RBFOX1: variants seen among roughly 807,000 people sequenced by gnomAD.
RBFOX1 encodes the protein RNA binding fox-1 homolog 1.
Under a neutral mutation model 57.7 loss-of-function variants are expected in RBFOX1, and 8 were observed. The ratio of observed to expected loss-of-function variants is 0.14; its 90% confidence interval spans 0.08 to 0.25. The LOEUF is 0.25. Among genes scored for constraint, RBFOX1 ranks in the 10% least tolerant of loss-of-function variants. The probability of loss-of-function intolerance (pLI) is 1.00; values close to 1 mark genes in which losing one functional copy is unlikely to be tolerated. For synonymous variants in RBFOX1, 326 were observed against 222.4 expected, an observed-to-expected ratio of 1.47 and a Z score of -4.15; for missense variants, 611 against 548.5, an observed-to-expected ratio of 1.11 and a Z score of -1.14.
chr16:5,483,646 G>A (rs979806110), intron 2 of RBFOX1, among the ~76,000 whole-genome samples: 3 of 152,260 alleles, frequency 2.0e-5, no homozygotes, highest in African/African-American at 4.8e-5. Context: ...TGCTGTAGAC[G>A]GGATTGCAGC....
chr16:7,113,978 A>G (rs949742077), intron 4 of RBFOX1, among the ~76,000 whole-genome samples: 2 of 152,180 alleles, frequency 1.3e-5, no homozygotes, highest in African/African-American at 4.8e-5. Flanking sequence ...TGCCTTTTGC[A>G]TCGTGAGTGC....
At chr16:5,623,521 C>A (rs1047228377) in intron 3 of RBFOX1, among the ~76,000 whole-genome samples, 2 of 152,148 alleles carry the variant, frequency 1.3e-5, no homozygotes, top group African/African-American at 4.8e-5. Flanking sequence ...TGCATCTTTA[C>A]CTACACCCTA....
At chr16:7,405,297 G>GC (rs930859373) in intron 4 of RBFOX1, among the ~76,000 whole-genome samples, 19 of 152,164 alleles carry the variant, frequency 1.2e-4, no homozygotes, top group South Asian at 2.1e-4. Flanking sequence ...TCTCCTGGTA[G>GC]CCCCCCCGCT....
intron 4 of RBFOX1, among the ~76,000 whole-genome samples, chr16:7,282,688 G>A (rs1406896955): frequency 1.3e-5 from 2 of 152,102 alleles, no homozygotes; most frequent in African/African-American, 4.8e-5. Context: ...CACCTGAGCA[G>A]TATACACTGC....
At position 7,002,320 on chromosome 16, in the gene RBFOX1, G is replaced by A. The variant is rs191713637; in HGVS notation, c.-15-49737G>A. 2.2e-3 allele frequency among the ~76,000 whole-genome samples: 341 copies of A among 152,318 alleles called. 2 individuals carry two copies. The highest frequency in any genetic ancestry group is 7.8e-3 in the African/African-American group (326 of 41,572). ...AGTGCATTTTCTTGTATCCTCTAAA[G>A]CTATTTTGTGTTTGTGTGAGCACAT... On this transcript the variant is annotated intron_variant, in intron 3 of 15. Coordinates refer to ENST00000550418, the MANE Select transcript of RBFOX1 (RefSeq NM_018723.4).
chr16:6,976,733 ATCATACATATATATCATG>A (rs1459081031), intron 3 of RBFOX1, among the ~76,000 whole-genome samples: 8 of 147,714 alleles, frequency 5.4e-5, no homozygotes, highest in African/African-American at 1.7e-4. Context: ...TATATCATGT[ATCATACATATATATCATG>A]TCATACATAT....
At chr16:5,813,478 A>G (rs2055509424) in intron 3 of RBFOX1, among the ~76,000 whole-genome samples, 1 of 152,196 alleles carries the variant, frequency 6.6e-6, no homozygotes, top group African/African-American at 2.4e-5. Flanking sequence ...ATTCAGCCAT[A>G]AAGGGAATGA....
At chr16:6,448,147 C>CTTTTTTTTTTTTTTTTTT in intron 2 of RBFOX1, among the ~76,000 whole-genome samples, 1 of 91,404 alleles carries the variant, frequency 1.1e-5, no homozygotes, top group Non-Finnish European at 2.2e-5. Flanking sequence ...TTTTTCTTTT[C>CTTTTTTTTTTTTTTTTTT]TTTTCTTTCT....
intron 1 of RBFOX1, among the ~76,000 whole-genome samples, chr16:6,274,632 A>G (rs2075592833): frequency 6.6e-6 from 1 of 152,180 alleles, no homozygotes; most frequent in African/African-American, 2.4e-5. Flanking sequence ...TAGCGCTATC[A>G]TCACGCAATC....
chr16:6,430,859 A>C (rs987571111), intron 2 of RBFOX1, among the ~76,000 whole-genome samples: 4 of 151,498 alleles, frequency 2.6e-5, no homozygotes, highest in Non-Finnish European at 5.9e-5. Flanking sequence ...GGTCAGGAAC[A>C]GTAGCTCATG....
At chr16:6,006,180 C>A (rs890806272) in intron 4 of RBFOX1, among the ~76,000 whole-genome samples, 3 of 152,162 alleles carry the variant, frequency 2.0e-5, no homozygotes, top group African/African-American at 7.2e-5. Flanking sequence ...ACCCGGTTTC[C>A]TACGGGGAAA....
intron 2 of RBFOX1, among the ~76,000 whole-genome samples, chr16:5,474,609 G>A (rs1436039355): frequency 6.6e-6 from 1 of 151,766 alleles, no homozygotes. Context: ...AGCTGAGATC[G>A]CGCCATTGCA....
At chr16:7,370,136 A>C (rs541633716) in intron 4 of RBFOX1, among the ~76,000 whole-genome samples, 1 of 152,314 alleles carries the variant, frequency 6.6e-6, no homozygotes, top group South Asian at 2.1e-4. Flanking sequence ...AATTGGCAGC[A>C]ACTCTGGACT....
At position 5,411,149 on chromosome 16, in the gene RBFOX1, G is replaced by C. The variant is rs140539156; in HGVS notation, c.220-56067G>C. Among the ~76,000 whole-genome samples the C allele has an allele frequency of 1.3e-3, 195 of 152,290 alleles. 2 individuals are homozygous for C. Among genetic ancestry groups the C allele is most frequent in the Admixed American group, 9.6e-3 (147 of 15,304 alleles). ...GGGCGGAGGCCAGAGGGCAGACTGTGGTGGGAAGAAAAAAGGACCTCAAAG... is the reference window on the plus strand; with the variant it reads ...GGGCGGAGGCCAGAGGGCAGACTGTCGTGGGAAGAAAAAAGGACCTCAAAG... On this transcript the variant is annotated intron_variant, in intron 1 of 2. Transcript: ENST00000585867.
At chr16:5,391,573 G>C (rs2066408229) in intron 1 of RBFOX1, among the ~76,000 whole-genome samples, 1 of 152,058 alleles carries the variant, frequency 6.6e-6, no homozygotes, top group Non-Finnish European at 1.5e-5. Context: ...TGCCAGTTCT[G>C]GAAGCCAAGG....
At chr16:5,351,733 C>G (rs1477695392) in intron 1 of RBFOX1, among the ~76,000 whole-genome samples, 1 of 152,200 alleles carries the variant, frequency 6.6e-6, no homozygotes, top group Non-Finnish European at 1.5e-5. Flanking sequence ...AGCCCGAGAA[C>G]TCCTTGTGAG....
intron 4 of RBFOX1, among the ~76,000 whole-genome samples, chr16:7,177,540 T>A (rs570333502): frequency 6.6e-6 from 1 of 152,128 alleles, no homozygotes; most frequent in East Asian, 1.9e-4. Context: ...TTTATATGGT[T>A]TTCTACCTTG....
chr16:5,712,810 T>C (rs908147752), intron 3 of RBFOX1, among the ~76,000 whole-genome samples: 1 of 152,218 alleles, frequency 6.6e-6, no homozygotes, highest in African/African-American at 2.4e-5. Context: ...TAGTTTTTAA[T>C]GCTACTTCTT....
intron 1 of RBFOX1, among the ~76,000 whole-genome samples, chr16:6,294,868 C>T (rs758113043): frequency 2.6e-5 from 4 of 151,990 alleles, no homozygotes; most frequent in African/African-American, 9.7e-5. Flanking sequence ...ACATTTACAC[C>T]GTTCCCTATC....
Sources: gnomAD v4.1 joint callset for allele counts (sites outside exome capture counted in the v4.1 genomes callset) on GRCh38, gnomAD v4.1.1 for gene constraint, MANE v1.5 for transcripts, NCBI Gene and HGNC (gene_info 2026-07-23, HGNC 2026-07-21) for gene names.